TJP3: variants seen among roughly 807,000 people sequenced by gnomAD.
The protein encoded by TJP3 is tight junction protein 3, also known as tight junction protein ZO-3.
TJP3 carries 85 observed loss-of-function variants against 104.2 expected under a neutral mutation model. That is an observed-to-expected ratio of 0.82 (90% CI 0.68 to 0.98). TJP3 has a LOEUF of 0.98. Ranked by LOEUF, TJP3 falls within the 50% of genes least tolerant of loss-of-function variation. TJP3 has a pLI of 0.00. For missense variants in TJP3, 1,367 were observed against 1,322.8 expected (o/e 1.03, Z -0.52); for synonymous variants, 550 against 550.6 (o/e 1.00, Z 0.02).
At chr19:3,736,451 C>T (rs1796748135) in intron 11 of TJP3, 130 bp downstream of exon 11, 2 of 904,842 alleles carry the variant, frequency 2.2e-6, no homozygotes, top group African/African-American at 3.4e-5. Flanking sequence ...GGTATTTGAA[C>T]ATTTCAGTGT....
chr19:3,726,025 TCGCTAGAGACG>T (rs762420743), intron 1 of TJP3, among the ~76,000 whole-genome samples: 85 of 152,220 alleles, frequency 5.6e-4, no homozygotes, highest in Non-Finnish European at 1.1e-3. Context: ...AATGCTGGCC[TCGCTAGAGACG>T]CTGGAGCTTA....
rs1462277940 is a variant in TJP3 at position 3,728,659 on chromosome 19, G to A, written c.104G>A (p.Gly35Glu). 2 of 1,613,812 alleles carry A rather than the reference G, an allele frequency of 1.2e-6. No individual in the cohort carries two copies. Among genetic ancestry groups the A allele is most frequent in the Admixed American group, 3.3e-5 (2 of 59,996 alleles). The change falls in exon 3 of 21, where the codon GGA becomes GAA. Residue 35 changes from glycine to glutamate, a missense_variant. Coordinates refer to ENST00000541714, the MANE Select transcript of TJP3 (RefSeq NM_001267560.2). ...AISGGRDRPG[G>E]SMVVSDVVPG... ...TCTGGAGGCCGAGACCGGCCCGGTGGATCCATGGTTGTATCTGACGTGGTA... is the reference window on the plus strand; with the variant it reads ...TCTGGAGGCCGAGACCGGCCCGGTGAATCCATGGTTGTATCTGACGTGGTA...
At chr19:3,716,799 A>ATTTTTTT (rs1474982158) in intron 1 of TJP3, among the ~76,000 whole-genome samples, 1 of 73,080 alleles carries the variant, frequency 1.4e-5, no homozygotes, top group African/African-American at 4.8e-5. Context: ...ATATATATAT[A>ATTTTTTT]TATTTTTTTT....
chr19:3,735,429 C>T, intron 8 of TJP3, 137 bp from the exon 9 acceptor site: 2 of 799,644 alleles, frequency 2.5e-6, no homozygotes, highest in Admixed American at 1.9e-5. Flanking sequence ...GAAATCCTGA[C>T]CTCAGGTGAT....
rs775265478 is a variant in TJP3, at chr19:3,746,857, T to C, written c.2303T>C (p.Ile768Thr). The change falls in exon 18 of 21, where the codon ATC (isoleucine) becomes ACC (threonine). Residue 768 changes from isoleucine (I) to threonine (T), a missense_variant. By Grantham distance (89) the Ile-to-Thr change is moderately conservative. Transcript: ENST00000541714. This position sits in a 1 kb window ranked among gnomAD's most constrained non-coding sequence, Gnocchi z 4.1. ...ATTCGAGAGCAGCAGACGCGGCCCA[T>C]CTGGACGGCGGAAGATCAGGTACTG... ...AIIREQQTRPIWTAEDQLDGS... is the reference protein window; with the variant it reads ...AIIREQQTRPTWTAEDQLDGS... 6.2e-7 allele frequency: 1 copy of C among 1,603,738 alleles called. No homozygotes were observed. The highest frequency in any genetic ancestry group is 1.1e-5 in the South Asian group (1 of 89,896).
chr19:3,724,430 T>C (rs2036577271), intron 1 of TJP3, among the ~76,000 whole-genome samples: 1 of 152,160 alleles, frequency 6.6e-6, no homozygotes, highest in African/African-American at 2.4e-5. Flanking sequence ...CTCCTGACCT[T>C]GTGGTCTGCC....
At chr19:3,748,146 C>A in intron 19 of TJP3, 65 bp downstream of exon 19, 2 of 1,462,214 alleles carry the variant, frequency 1.4e-6, no homozygotes, top group Non-Finnish European at 1.8e-6. Context: ...ACAGAGCAGA[C>A]ACACACTGGG....
At chr19:3,737,587 C>T (rs924089765) in intron 11 of TJP3, among the ~76,000 whole-genome samples, 13 of 152,122 alleles carry the variant, frequency 8.5e-5, no homozygotes, top group Non-Finnish European at 1.5e-4. Context: ...GGCTGTCTCC[C>T]CTGTCCCTTG....
chr19:3,716,410 G>A lies in TJP3; in HGVS notation c.-10+7849G>A, dbSNP rs142665646. On this transcript the variant is annotated intron_variant, in intron 1 of 20. Transcript: ENST00000541714. ...CCAAAATGTCTCAAGACGTTGCCAA[G>A]GGTCCCCCTCTGGTGAGAGGCACTG... 1.5e-4 allele frequency among the ~76,000 whole-genome samples: 23 copies of A among 148,390 alleles called. 1 individual carries two copies. Among genetic ancestry groups the A allele is most frequent in the Middle Eastern group, 3.4e-3 (1 of 292 alleles).
Position 3,730,407 on chromosome 19 carries a change from C to A in TJP3, c.314C>A (p.Ser105Tyr). 6.3e-7 allele frequency: 1 copy of A among 1,579,942 alleles called. No individual in the cohort carries two copies. The highest frequency in any genetic ancestry group is 2.3e-5 in the East Asian group (1 of 43,880). The stretch of plus-strand genomic sequence containing the variant: ...CTGCCCGCCACCAAAGCCAGCCCCT[C>A]CAGCCCAGGGCGCCAGGACTCGGAT... The part of the protein sequence containing the change: ...IHLPATKASP[S>Y]SPGRQDSDED... Residue 105 changes from serine to tyrosine, a missense_variant, in exon 5 of 21, where the codon TCC becomes TAC. Ser to Tyr is a moderately radical substitution (Grantham distance 144, BLOSUM62 -2). Coordinates refer to ENST00000541714, the MANE Select transcript of TJP3 (RefSeq NM_001267560.2). The surrounding 1 kb of genome is among the most constrained non-coding windows in gnomAD (Gnocchi z 7.3).
intron 1 of TJP3, among the ~76,000 whole-genome samples, chr19:3,709,135 G>A (rs1410737293): frequency 6.6e-6 from 1 of 151,896 alleles, no homozygotes; most frequent in African/African-American, 2.4e-5. Context: ...TTTTTTTTGA[G>A]ACGGAGTTTT....
At chr19:3,727,391 G>C (rs376777908) in intron 1 of TJP3, among the ~76,000 whole-genome samples, 8 of 150,752 alleles carry the variant, frequency 5.3e-5, no homozygotes, top group Non-Finnish European at 1.0e-4. Flanking sequence ...GCTGAGGCAG[G>C]AGAATCACTT....
chr19:3,728,734 G>T, intron 3 of TJP3, 21 bp downstream of exon 3: 2 of 1,611,184 alleles, frequency 1.2e-6, no homozygotes, highest in Non-Finnish European at 1.7e-6. Flanking sequence ...AGGCAGCTGG[G>T]TTCTGGCGGG....
At chr19:3,737,271 A>G (rs985945120) in intron 11 of TJP3, among the ~76,000 whole-genome samples, 1 of 152,180 alleles carries the variant, frequency 6.6e-6, no homozygotes, top group African/African-American at 2.4e-5. Context: ...TATCAATGTC[A>G]GGACTTTGGG....
intron 1 of TJP3, among the ~76,000 whole-genome samples, chr19:3,724,158 C>A (rs2145674951): frequency 6.6e-6 from 1 of 151,880 alleles, no homozygotes; most frequent in Middle Eastern, 3.4e-3. Flanking sequence ...CCTCGCCCCT[C>A]TCCCACTCTG....
intron 19 of TJP3, among the ~76,000 whole-genome samples, 185 bp downstream of exon 19, chr19:3,748,266 CA>C (rs1483868835): frequency 4.9e-5 from 7 of 141,586 alleles, no homozygotes; most frequent in African/African-American, 1.9e-4. Context: ...TAACTTGCAG[CA>C]TTTTTTTTTT....
rs2036890654 is a variant in TJP3 at position 3,746,479 on chromosome 19, G to T, written c.2011-6G>T. On this transcript the variant is annotated splice_polypyrimidine_tract_variant and splice_region_variant and intron_variant, in intron 16 of 20. Transcript: ENST00000541714. This position sits in a 1 kb window ranked among gnomAD's most constrained non-coding sequence, Gnocchi z 4.1. ...CCTCACCCCAACGTCCGCCGGCCTG[G>T]CCCAGGACAAGCATGCGCTCCTGGA... The T allele has an allele frequency of 6.2e-7, 1 of 1,613,610 alleles. No individual in the cohort carries two copies. The highest frequency in any genetic ancestry group is 8.5e-7 in the Non-Finnish European group (1 of 1,179,936).
At position 3,712,046 on chromosome 19, in the gene TJP3, T is replaced by C. The variant is rs564236519; in HGVS notation, c.-10+3485T>C. On this transcript the variant is annotated intron_variant, in intron 1 of 20. Transcript: ENST00000541714. ...CAGTTCTCCTCTGGACCAGACACGGTGGCTCACGCCTGTAATCCCAGCATT... is the reference window on the plus strand; with the variant it reads ...CAGTTCTCCTCTGGACCAGACACGGCGGCTCACGCCTGTAATCCCAGCATT... 1.7e-3 allele frequency among the ~76,000 whole-genome samples: 263 copies of C among 152,210 alleles called. 2 individuals carry two copies. The highest frequency in any genetic ancestry group is 6.1e-3 in the African/African-American group (253 of 41,550).
In TJP3 at chr19:3,730,737, A is replaced by C. The variant is rs1167182058; in HGVS notation, c.613+31A>C. 1 of 1,578,036 alleles carries C rather than the reference A, an allele frequency of 6.3e-7. No individual in the cohort carries two copies. Among genetic ancestry groups the C allele is most frequent in the Admixed American group, 1.7e-5 (1 of 58,082 alleles). ...AAGAGGCGGGAGGTCGGACACGATC[A>C]GTACTGGACACAGGGCACCGTGGTC... On this transcript the variant is annotated intron_variant, in intron 5 of 20. Transcript: ENST00000541714. The surrounding 1 kb of genome is among the most constrained non-coding windows in gnomAD (Gnocchi z 7.3).
Sources: gnomAD v4.1 joint callset for allele counts (sites outside exome capture counted in the v4.1 genomes callset) on GRCh38, gnomAD v4.1.1 for gene constraint, Gnocchi (gnomAD v3.1) non-coding constraint, MANE v1.5 for transcripts, NCBI Gene and HGNC (gene_info 2026-07-23, HGNC 2026-07-21) for gene names.